KRT8: variants seen among roughly 807,000 people sequenced by gnomAD.
KRT8 encodes keratin, type II cytoskeletal 8.
KRT8 carries 24 observed loss-of-function variants against 43.0 expected under a neutral mutation model. The ratio of observed to expected loss-of-function variants is 0.56; its 90% CI spans 0.40 to 0.78. KRT8 has a LOEUF of 0.78. KRT8 is among the 30% of genes least tolerant of loss of function. The pLI is 0.00. For synonymous variants in KRT8, 214 were observed against 261.2 expected, an observed-to-expected ratio of 0.82 and a Z score of 1.74; for missense variants, 492 against 638.4, an observed-to-expected ratio of 0.77 and a Z score of 2.47.
At chr12:52,927,607 A>C (rs1359630947) in intron 2 of KRT8, among the ~76,000 whole-genome samples, 1 of 152,216 alleles carries the variant, frequency 6.6e-6, no homozygotes, top group African/African-American at 2.4e-5. Flanking sequence ...TGTCCACACC[A>C]TGCCAGCCAG....
intron 2 of KRT8, among the ~76,000 whole-genome samples, chr12:52,917,821 A>C (rs1305263280): frequency 1.3e-5 from 2 of 151,844 alleles, no homozygotes; most frequent in Non-Finnish European, 1.5e-5. Context: ...CATAGGTTGC[A>C]GTGAGCTGAG....
At chr12:52,902,448 G>A (rs1267991312) in intron 1 of KRT8, among the ~76,000 whole-genome samples, 1 of 152,022 alleles carries the variant, frequency 6.6e-6, no homozygotes, top group Non-Finnish European at 1.5e-5. Context: ...CAAGATCTCA[G>A]CTCACTGCAA....
intron 6 of KRT8, 57 bp from the exon 7 acceptor site, chr12:52,898,576 C>T: frequency 1.2e-6 from 2 of 1,612,390 alleles, no homozygotes. Context: ...TGGCCCAGAA[C>T]AACAGGACCC....
chr12:52,906,379 T>G (rs1486751531), upstream of KRT8: 3 of 236,954 alleles, frequency 1.3e-5, no homozygotes, highest in South Asian at 5.0e-5. Context: ...TACAGTGGAG[T>G]GGTGTGGCAC....
upstream of KRT8, among the ~76,000 whole-genome samples, chr12:52,905,442 G>A (rs1447434359): frequency 1.3e-5 from 2 of 152,042 alleles, no homozygotes; most frequent in Non-Finnish European, 2.9e-5. Flanking sequence ...GGGAAGCATG[G>A]GAAAAAGGGG....
chr12:52,917,481 G>A (rs1336711480), intron 2 of KRT8, among the ~76,000 whole-genome samples: 2 of 152,032 alleles, frequency 1.3e-5, no homozygotes, highest in African/African-American at 4.8e-5. Context: ...GCCGAGGGGG[G>A]CGGATCATCT....
At chr12:52,935,239 G>A (rs185709281) in intron 2 of KRT8, among the ~76,000 whole-genome samples, 1 of 150,998 alleles carries the variant, frequency 6.6e-6, no homozygotes, top group African/African-American at 2.4e-5. Flanking sequence ...AAAATTAGCT[G>A]GGGGTGGCAG....
At chr12:52,909,928 G>A (rs1941598465), upstream of KRT8, among the ~76,000 whole-genome samples, 1 of 152,104 alleles carries the variant, frequency 6.6e-6, no homozygotes, top group African/African-American at 2.4e-5. Context: ...AGATGTTGAG[G>A]TCTCCCACAC....
At chr12:52,933,809 G>A (rs2120705302) in intron 2 of KRT8, among the ~76,000 whole-genome samples, 1 of 151,838 alleles carries the variant, frequency 6.6e-6, no homozygotes, top group East Asian at 2.0e-4. Flanking sequence ...ATTTTTAGTA[G>A]AGACGGGGTT....
intron 2 of KRT8, among the ~76,000 whole-genome samples, chr12:52,930,737 T>G (rs1276228082): frequency 1.3e-5 from 2 of 151,824 alleles, no homozygotes; most frequent in Non-Finnish European, 2.9e-5. Flanking sequence ...ATATTTTTAT[T>G]TTTTGTAGAG....
upstream of KRT8, among the ~76,000 whole-genome samples, chr12:52,911,482 CA>C (rs1291937922): frequency 3.3e-5 from 5 of 152,154 alleles, no homozygotes; most frequent in African/African-American, 9.7e-5. Context: ...TACTGTACAT[CA>C]GGGGGAGACA....
intron 4 of KRT8, among the ~76,000 whole-genome samples, chr12:52,900,380 T>C (rs2120555103): frequency 6.6e-6 from 1 of 152,308 alleles, no homozygotes; most frequent in Admixed American, 6.5e-5. Flanking sequence ...GTCTGTGAAA[T>C]GGGGTAATGA....
At chr12:52,905,066 C>G (rs1012859144) in exon 1 of KRT8, 2 of 1,517,662 alleles carry the variant, frequency 1.3e-6, no homozygotes, top group Non-Finnish European at 1.8e-6. Context: ...GTGAGGAGAG[C>G]TCTCAGGAAT....
At chr12:52,921,633 C>T (rs1270878632) in intron 2 of KRT8, among the ~76,000 whole-genome samples, 1 of 152,088 alleles carries the variant, frequency 6.6e-6, no homozygotes, top group African/African-American at 2.4e-5. Context: ...GGACTTCCTT[C>T]AGGAAGCCCT....
intron 2 of KRT8, chr12:52,901,648 C>G (rs1941372670): frequency 1.7e-6 from 1 of 604,056 alleles, no homozygotes; most frequent in Admixed American, 2.9e-5. Context: ...CAAATCCAGA[C>G]AGTTGAGATT....
intron 1 of KRT8, among the ~76,000 whole-genome samples, chr12:52,902,589 C>T (rs771722777): frequency 2.0e-5 from 3 of 152,076 alleles, no homozygotes; most frequent in South Asian, 2.1e-4. Context: ...AGGGTTTCAC[C>T]GTCTTAGGCA....
At chr12:52,942,167 TTGA>T (rs2120735176) in intron 2 of KRT8, among the ~76,000 whole-genome samples, 1 of 152,294 alleles carries the variant, frequency 6.6e-6, no homozygotes, top group South Asian at 2.1e-4. Context: ...AAGCTCCATG[TTGA>T]TGATTCTTCC....
At chr12:52,915,915 T>C (rs1941729901) in intron 2 of KRT8, among the ~76,000 whole-genome samples, 1 of 152,196 alleles carries the variant, frequency 6.6e-6, no homozygotes, top group Non-Finnish European at 1.5e-5. Context: ...CTGTACCTTA[T>C]CAACGGAATA....
intron 2 of KRT8, among the ~76,000 whole-genome samples, chr12:52,917,027 A>G (rs942068102): frequency 1.4e-4 from 21 of 152,200 alleles, no homozygotes; most frequent in Non-Finnish European, 2.9e-4. Context: ...ACCAATAGGA[A>G]GGATTCCCCC....
Sources: gnomAD v4.1 joint callset for allele counts (sites outside exome capture counted in the v4.1 genomes callset) on GRCh38, gnomAD v4.1.1 for gene constraint, MANE v1.5 for transcripts, NCBI Gene and HGNC (gene_info 2026-07-23, HGNC 2026-07-21) for gene names.